Variants in COPS7B observed in about 807,000 individuals in gnomAD.
COPS7B encodes the protein COP9 signalosome subunit 7B, also known as COP9 signalosome complex subunit 7b.
A neutral mutation model predicts 33.4 loss-of-function variants in COPS7B; 9 were observed. That is an observed-to-expected ratio of 0.27 (90% confidence interval 0.16 to 0.47). COPS7B has a LOEUF of 0.47. Among genes scored for constraint, COPS7B ranks in the 20% least tolerant of loss-of-function variants. The pLI is 0.99. For synonymous variants in COPS7B, 119 were observed against 126.3 expected, an observed-to-expected ratio of 0.94 and a Z score of 0.39; for missense variants, 242 against 318.2, an observed-to-expected ratio of 0.76 and a Z score of 1.82.
intron 6 of COPS7B, among the ~76,000 whole-genome samples, chr2:231,806,291 T>C (rs1488852488): frequency 6.6e-6 from 1 of 152,182 alleles, no homozygotes; most frequent in Non-Finnish European, 1.5e-5. Context: ...GGCTCATGCC[T>C]GTAATCCCAG....
chr2:231,787,434 A>C (rs1246129464), intron 1 of COPS7B, among the ~76,000 whole-genome samples: 1 of 152,156 alleles, frequency 6.6e-6, no homozygotes, highest in Non-Finnish European at 1.5e-5. Context: ...CTTGGAGGAG[A>C]AATCTTACCT....
rs1482616033 is a variant in COPS7B, at chr2:231,803,915, AGCGTTGCC to A, written c.637-3570_637-3563del. On this transcript the variant is annotated intron_variant, in intron 6 of 6. Transcript: ENST00000350033. ...TCAGTTGCTGAGAGGCTGGCAGCGGAGCGTTGCCGTTGGTGGATGTGCCACAGGCAGAG... is the reference window on the plus strand; with the variant it reads ...TCAGTTGCTGAGAGGCTGGCAGCGGAGTTGGTGGATGTGCCACAGGCAGAG... Among the ~76,000 whole-genome samples, 3 of 152,088 alleles carry A rather than the reference AGCGTTGCC, an allele frequency of 2.0e-5. No homozygotes were observed. The East Asian group carries it at 5.8e-4, about 29-fold the overall frequency.
rs2049417763 is a variant in COPS7B at position 231,791,586 on chromosome 2, TG to T, written c.163-145del. 1.3e-5 allele frequency: 8 copies of T among 624,426 alleles called. No homozygotes were observed. In the East Asian group the frequency reaches 1.9e-4, roughly 15 times the overall value. 38.7% of individuals were successfully genotyped at this position (624,426 alleles called of 1,614,324 possible). ...TTATTTTTTCCCGAAGAACCAGAGT[TG>T]GTAGAGACCCCAGGGGCCAAGTAAT... On this transcript the variant is annotated intron_variant, in intron 2 of 6. Coordinates refer to ENST00000350033, the MANE Select transcript of COPS7B (RefSeq NM_022730.4).
chr2:231,798,832 G>T (rs1249605401), intron 5 of COPS7B, 27 bp from the exon 6 acceptor site: 2 of 1,595,580 alleles, frequency 1.3e-6, no homozygotes, highest in Non-Finnish European at 1.7e-6. Context: ...CCATTCTGCA[G>T]CTCAGGGCTG....
intron 6 of COPS7B, among the ~76,000 whole-genome samples, chr2:231,799,393 T>C (rs1210498709): frequency 6.6e-6 from 1 of 152,160 alleles, no homozygotes; most frequent in Non-Finnish European, 1.5e-5. Context: ...TTAAGTTGCG[T>C]GGTGGGCACA....
chr2:231,796,227 A>C lies in COPS7B; in HGVS notation c.449A>C (p.Gln150Pro), dbSNP rs2049566148. The C allele has an allele frequency of 6.2e-7, 1 of 1,614,102 alleles. No individual in the cohort carries two copies. Among genetic ancestry groups the C allele is most frequent in the Admixed American group, 1.7e-5 (1 of 60,000 alleles). ...IIQGKLDQRN[Q>P]LLEVDFCIGR... ...CAGGGCAAGCTGGACCAGCGAAACC[A>C]GCTGCTGGAAGTGGATTTCTGCATT... The change falls in exon 5 of 7, where the codon CAG (glutamine) becomes CCG (proline). Residue 150 changes from glutamine to proline, a missense_variant. Transcript: ENST00000350033.
Position 231,807,473 on chromosome 2 carries a change from T to C in COPS7B, c.637-14T>C, listed in dbSNP as rs1310914729. ...ATACAGGCTGAGCACTCCAATTCTA[T>C]ATCTCCCCACCAGGTTACCAACATC... On this transcript the variant is annotated splice_polypyrimidine_tract_variant and intron_variant, in intron 6 of 6. Transcript: ENST00000350033. The C allele has an allele frequency of 1.9e-6, 3 of 1,606,078 alleles. No homozygotes were observed. Among genetic ancestry groups the C allele is most frequent in the Admixed American group, 3.4e-5 (2 of 58,852 alleles).
intron 6 of COPS7B, among the ~76,000 whole-genome samples, chr2:231,801,964 G>A (rs2049762951): frequency 6.6e-6 from 1 of 151,940 alleles, no homozygotes; most frequent in Non-Finnish European, 1.5e-5. Flanking sequence ...TAGTAGAGAC[G>A]GGGTTTCGCA....
chr2:231,788,760 T>G (rs1033192484), intron 2 of COPS7B, 28 bp downstream of exon 2: 21 of 1,598,048 alleles, frequency 1.3e-5, no homozygotes, highest in Non-Finnish European at 1.7e-5. Context: ...ACAATTTCTC[T>G]TTATTCTAAG....
At chr2:231,782,104 A>C (rs1046374298), upstream of COPS7B, among the ~76,000 whole-genome samples, 3 of 152,214 alleles carry the variant, frequency 2.0e-5, no homozygotes, top group Admixed American at 6.5e-5. Flanking sequence ...GTTACGTATG[A>C]GGAAATTGAG....
intron 4 of COPS7B, 63 bp downstream of exon 4, chr2:231,794,414 A>G: frequency 1.5e-6 from 2 of 1,344,850 alleles, no homozygotes; most frequent in Non-Finnish European, 2.1e-6. Context: ...CATTGACATC[A>G]ATGAAGGAAG....
intron 4 of COPS7B, 97 bp downstream of exon 4, chr2:231,794,448 A>G (rs576913713): frequency 1.6e-5 from 15 of 941,180 alleles, no homozygotes; most frequent in Admixed American, 1.5e-4. Flanking sequence ...TAGGAGAGTC[A>G]CATCATAAAT....
chr2:231,808,281 A>G lies in COPS7B; in HGVS notation c.*636A>G. The G allele has an allele frequency of 2.7e-6, 1 of 376,910 alleles. No homozygotes were observed. The highest frequency in any genetic ancestry group is 5.4e-6 in the Non-Finnish European group (1 of 184,720). The allele number at this position is 376,910 out of a possible 1,614,324, so 23.3% of individuals were successfully genotyped here. ...CCAATTAGTTGAGAGCGCTGGGTTG[A>G]CTAACCTCTGGTATCTGAGCACAGA... On this transcript the variant is annotated 3_prime_UTR_variant, in exon 7 of 7. Coordinates refer to ENST00000350033, the MANE Select transcript of COPS7B (RefSeq NM_022730.4).
chr2:231,786,714 G>C (rs2049256360), intron 1 of COPS7B, among the ~76,000 whole-genome samples, 176 bp downstream of exon 1: 2 of 152,046 alleles, frequency 1.3e-5, no homozygotes, highest in African/African-American at 4.8e-5. Context: ...GGAGCATACC[G>C]CCCACCGTGA....
chr2:231,803,875 A>G (rs2049818073), intron 6 of COPS7B, among the ~76,000 whole-genome samples: 1 of 152,198 alleles, frequency 6.6e-6, no homozygotes, highest in Non-Finnish European at 1.5e-5. Flanking sequence ...AAGCCTTGGG[A>G]GTCAGTTGAA....
At chr2:231,801,552 C>T (rs1001974406) in intron 6 of COPS7B, among the ~76,000 whole-genome samples, 1 of 152,108 alleles carries the variant, frequency 6.6e-6, no homozygotes, top group African/African-American at 2.4e-5. Context: ...AGCAGTCTTT[C>T]CACCTCGGCC....
upstream of COPS7B, among the ~76,000 whole-genome samples, chr2:231,785,656 T>A (rs2049222618): frequency 1.3e-5 from 2 of 152,360 alleles, no homozygotes; most frequent in South Asian, 4.1e-4. Flanking sequence ...TTGTCCTGTC[T>A]CATTTCTGCA....
intron 3 of COPS7B, among the ~76,000 whole-genome samples, chr2:231,792,433 AG>A (rs1389658413): frequency 5.3e-5 from 8 of 152,178 alleles, no homozygotes; most frequent in Non-Finnish European, 1.5e-5. Context: ...TAGAGACTGT[AG>A]TAAGCTGAGA....
chr2:231,797,031 T>C (rs1178410887), intron 5 of COPS7B, among the ~76,000 whole-genome samples: 1 of 152,210 alleles, frequency 6.6e-6, no homozygotes, highest in Non-Finnish European at 1.5e-5. Context: ...GATGGACTGA[T>C]TGGAGAAGTT....
Sources: gnomAD v4.1 joint callset for allele counts (sites outside exome capture counted in the v4.1 genomes callset) on GRCh38, gnomAD v4.1.1 for gene constraint, MANE v1.5 for transcripts, NCBI Gene and HGNC (gene_info 2026-07-23, HGNC 2026-07-21) for gene names.